LTBP1: variants seen among roughly 807,000 people sequenced by gnomAD.
LTBP1 encodes the protein latent-transforming growth factor beta-binding protein 1.
In LTBP1, 129 loss-of-function variants were observed where a neutral mutation model predicts 207.6. The observed-to-expected ratio is 0.62, with a 90% CI of 0.54 to 0.72. LTBP1 has a LOEUF of 0.72. Ranked by LOEUF, LTBP1 falls within the 30% of genes least tolerant of loss-of-function variation. The pLI is 0.00. For synonymous variants in LTBP1, 963 were observed against 833.7 expected (o/e 1.16, Z -2.67); for missense variants, 2,281 against 2,217.2 (o/e 1.03, Z -0.58).
At chr2:33,382,032 G>T (rs1373582515) in intron 31 of LTBP1, among the ~76,000 whole-genome samples, 1 of 120,100 alleles carries the variant, frequency 8.3e-6, no homozygotes, top group African/African-American at 3.1e-5. Flanking sequence ...GTTTTTAATT[G>T]TTCAGTAGCC....
At chr2:33,190,597 C>A (rs1182837376) in intron 7 of LTBP1, among the ~76,000 whole-genome samples, 1 of 152,100 alleles carries the variant, frequency 6.6e-6, no homozygotes, top group Non-Finnish European at 1.5e-5. Flanking sequence ...TCCTTATCTG[C>A]AAAGTAGAGA....
chr2:33,379,625 A>G (rs1438890663), intron 31 of LTBP1, among the ~76,000 whole-genome samples: 1 of 152,258 alleles, frequency 6.6e-6, no homozygotes, highest in Non-Finnish European at 1.5e-5. Flanking sequence ...CCAGAGGGGA[A>G]GGAAAGAGGA....
At chr2:33,100,423 CA>C (rs773819487) in intron 3 of LTBP1, among the ~76,000 whole-genome samples, 5 of 150,174 alleles carry the variant, frequency 3.3e-5, no homozygotes, top group South Asian at 4.2e-4. Context: ...AGGATGGGGG[CA>C]GGGGGGGCAA....
At chr2:33,347,531 G>A in intron 26 of LTBP1, 21 bp downstream of exon 26, 1 of 1,613,558 alleles carries the variant, frequency 6.2e-7, no homozygotes, top group Non-Finnish European at 8.5e-7. Context: ...GTGACACTGT[G>A]CAAGGGAATG....
intron 3 of LTBP1, among the ~76,000 whole-genome samples, chr2:33,040,861 G>C (rs2076148495): frequency 6.6e-6 from 1 of 152,100 alleles, no homozygotes; most frequent in African/African-American, 2.4e-5. Flanking sequence ...AGGGAGGTTT[G>C]GTGGGATGAT....
chr2:33,299,240 C>CAA (rs1300938977), intron 20 of LTBP1, among the ~76,000 whole-genome samples: 28 of 78,864 alleles, frequency 3.6e-4, no homozygotes, highest in Middle Eastern at 6.7e-3. Context: ...GACTCTGTCT[C>CAA]AAAAAAAAAA....
At position 33,365,516 on chromosome 2, in the gene LTBP1, C is replaced by G. The variant is rs532820117; in HGVS notation, c.4711+13C>G. On this transcript the variant is annotated intron_variant, in intron 31 of 33. Transcript: ENST00000404816. Reference sequence around the variant, plus strand: ...CTGAAGGATTCAGGTGAGCCCATATCCAATTCCTTCTGCAGGAGGCCTTTG... The same window carrying G: ...CTGAAGGATTCAGGTGAGCCCATATGCAATTCCTTCTGCAGGAGGCCTTTG... 7 of 1,607,788 alleles carry G rather than the reference C, an allele frequency of 4.4e-6. No individual in the cohort carries two copies. In the South Asian group the frequency reaches 6.7e-5, roughly 15 times the overall value.
chr2:33,394,748 A>G (rs2095344255), intron 32 of LTBP1, among the ~76,000 whole-genome samples: 2 of 152,188 alleles, frequency 1.3e-5, no homozygotes, highest in Admixed American at 6.6e-5. Context: ...TGATGCCTCC[A>G]GCTTTGTTCT....
intron 10 of LTBP1, among the ~76,000 whole-genome samples, chr2:33,249,652 CAA>C (rs576601798): frequency 2.2e-4 from 34 of 152,036 alleles, no homozygotes; most frequent in African/African-American, 8.0e-4. Flanking sequence ...TAGCCAAGAG[CAA>C]AAAAATTACT....
At chr2:33,300,711 A>G (rs779607657) in intron 21 of LTBP1, 138 bp downstream of exon 21, 12 of 883,132 alleles carry the variant, frequency 1.4e-5, no homozygotes, top group Non-Finnish European at 1.9e-5. Context: ...CCAGGACTTA[A>G]ACATAAGTTA....
At chr2:33,190,743 A>G (rs2087769463) in intron 7 of LTBP1, among the ~76,000 whole-genome samples, 1 of 152,214 alleles carries the variant, frequency 6.6e-6, no homozygotes, top group Admixed American at 6.5e-5. Flanking sequence ...GCAGCCATCT[A>G]CTATGACTGT....
At chr2:33,266,064 C>T (rs1415096103) in intron 15 of LTBP1, among the ~76,000 whole-genome samples, 1 of 152,230 alleles carries the variant, frequency 6.6e-6, no homozygotes, top group East Asian at 1.9e-4. Flanking sequence ...GACATCCCTG[C>T]ACTCTAAGGG....
Position 33,204,696 on chromosome 2 carries a change from C to G in LTBP1, c.1702-12856C>G, listed in dbSNP as rs1192324186. On this transcript the variant is annotated intron_variant, in intron 7 of 33. Transcript: ENST00000404816. ...TCGGGCTCAAGTGATCCTCCTGCCTCAGCCTCCCAAGTAGCTAAGAGTATA... is the reference window on the plus strand; with the variant it reads ...TCGGGCTCAAGTGATCCTCCTGCCTGAGCCTCCCAAGTAGCTAAGAGTATA... Among the ~76,000 whole-genome samples, 4 of 152,198 alleles carry G rather than the reference C, an allele frequency of 2.6e-5. No individual in the cohort carries two copies. In the East Asian group the frequency reaches 5.8e-4, roughly 22 times the overall value.
chr2:33,058,450 C>T (rs910639927), intron 3 of LTBP1, among the ~76,000 whole-genome samples: 2 of 152,200 alleles, frequency 1.3e-5, no homozygotes, highest in Non-Finnish European at 2.9e-5. Flanking sequence ...CATCTAATAA[C>T]GTCTAAACGT....
At chr2:32,972,049 G>A (rs1184007981) in intron 2 of LTBP1, among the ~76,000 whole-genome samples, 1 of 150,730 alleles carries the variant, frequency 6.6e-6, no homozygotes, top group African/African-American at 2.4e-5. Context: ...TTCCAGGAAT[G>A]TATCTATTTC....
At chr2:33,131,309 C>T (rs185264988) in intron 4 of LTBP1, among the ~76,000 whole-genome samples, 1 of 152,276 alleles carries the variant, frequency 6.6e-6, no homozygotes, top group African/African-American at 2.4e-5. Flanking sequence ...TTAGTGAATT[C>T]CTACTAAATT....
chr2:33,342,862 CTGTT>C lies in LTBP1; in HGVS notation c.3759_3762del (p.Cys1254ThrfsTer33), dbSNP rs1478202320. 6.2e-7 allele frequency: 1 copy of C among 1,613,936 alleles called. No homozygotes were observed. The highest frequency in any genetic ancestry group is 8.5e-7 in the Non-Finnish European group (1 of 1,179,946). On this transcript the variant is annotated frameshift_variant, in exon 25 of 34. Coordinates refer to ENST00000404816, the MANE Select transcript of LTBP1 (RefSeq NM_206943.4). LOFTEE classifies it high-confidence loss of function. ...GATATTGATGAATGTGTAAACAACA[CTGTT>C]TGTGACAGTCACGGGTTTTGTGACA...
At chr2:33,106,706 A>G (rs1024093446) in intron 3 of LTBP1, among the ~76,000 whole-genome samples, 9 of 151,830 alleles carry the variant, frequency 5.9e-5, no homozygotes, top group East Asian at 3.9e-4. Flanking sequence ...CATCCAGGCT[A>G]TGTTGTTGTA....
chr2:33,017,262 A>T (rs1461380119), intron 2 of LTBP1, among the ~76,000 whole-genome samples: 1 of 152,232 alleles, frequency 6.6e-6, no homozygotes, highest in African/African-American at 2.4e-5. Flanking sequence ...CAGTAGCCTA[A>T]AAGCAATTAC....
Sources: allele counts gnomAD v4.1 joint callset (sites outside exome capture counted in the v4.1 genomes callset), GRCh38; gene constraint gnomAD v4.1.1; transcripts MANE v1.5; gene names NCBI Gene and HGNC (gene_info 2026-07-23, HGNC 2026-07-21).